Variants in TTC7A observed in about 807,000 individuals in gnomAD.
TTC7A encodes the protein tetratricopeptide repeat domain 7A, also known as tetratricopeptide repeat protein 7A.
Under a neutral mutation model 103.7 loss-of-function variants are expected in TTC7A, and 110 were observed. That is an observed-to-expected ratio of 1.06 (90% CI 0.91 to 1.24). The LOEUF is 1.24. Among genes scored for constraint, TTC7A ranks in the 50% most tolerant of loss-of-function variants. The probability of loss-of-function intolerance (pLI) is 0.00; values close to 1 mark genes in which losing one functional copy is unlikely to be tolerated. For synonymous variants in TTC7A, 521 were observed against 467.9 expected, an observed-to-expected ratio of 1.11 and a Z score of -1.47; for missense variants, 1,340 against 1,116.3, an observed-to-expected ratio of 1.20 and a Z score of -2.86.
intron 18 of TTC7A, among the ~76,000 whole-genome samples, chr2:47,057,022 T>C (rs1267987810): frequency 6.6e-6 from 1 of 152,192 alleles, no homozygotes; most frequent in Non-Finnish European, 1.5e-5. Context: ...CACTGGGTCC[T>C]GGCAGCCACG....
chr2:47,070,014 C>T (rs1684530601), intron 19 of TTC7A, among the ~76,000 whole-genome samples: 1 of 152,142 alleles, frequency 6.6e-6, no homozygotes, highest in Non-Finnish European at 1.5e-5. Flanking sequence ...AGGGAGGGCT[C>T]AGCCTGGCCC....
intron 2 of TTC7A, among the ~76,000 whole-genome samples, chr2:46,952,301 G>T (rs1027906570): frequency 1.1e-4 from 16 of 151,920 alleles, no homozygotes; most frequent in Non-Finnish European, 2.4e-4. Context: ...GACCAGATTG[G>T]TGGGGTTCAA....
At chr2:46,929,892 C>G (rs531973203) in intron 2 of TTC7A, among the ~76,000 whole-genome samples, 27 of 152,162 alleles carry the variant, frequency 1.8e-4, no homozygotes, top group Non-Finnish European at 4.0e-4. Context: ...ATATGGTTCA[C>G]CATATCATCT....
chr2:47,013,518 G>T (rs1272773123), intron 11 of TTC7A, among the ~76,000 whole-genome samples: 1 of 152,164 alleles, frequency 6.6e-6, no homozygotes, highest in Non-Finnish European at 1.5e-5. Flanking sequence ...CTCTGAGGGG[G>T]TGTAGCGGGG....
At chr2:47,023,638 G>C (rs1453373329) in intron 13 of TTC7A, among the ~76,000 whole-genome samples, 173 bp downstream of exon 13, 2 of 152,184 alleles carry the variant, frequency 1.3e-5, no homozygotes, top group Non-Finnish European at 2.9e-5. Flanking sequence ...TGGGCAGGCA[G>C]CCGAGCCCTG....
At chr2:47,071,807 C>T (rs1684750518) in intron 19 of TTC7A, among the ~76,000 whole-genome samples, 1 of 152,194 alleles carries the variant, frequency 6.6e-6, no homozygotes. Flanking sequence ...TTCTTGATAT[C>T]AGGGGTTTTC....
upstream of TTC7A, chr2:46,916,064 G>T (rs1668769923): frequency 3.0e-6 from 3 of 985,344 alleles, no homozygotes; most frequent in Non-Finnish European, 3.6e-6. Flanking sequence ...AGGCAACGCC[G>T]GAAGCCCTCA....
chr2:47,022,023 G>A (rs757653415), intron 12 of TTC7A, 44 bp downstream of exon 12: 24 of 1,474,468 alleles, frequency 1.6e-5, no homozygotes, highest in Non-Finnish European at 2.3e-5. Context: ...GGATGGCTCA[G>A]GCTTCCTAAC....
rs1685040652 is a variant in TTC7A, at chr2:47,074,275, C to T, written c.*352C>T. 3.0e-6 allele frequency: 1 copy of T among 338,314 alleles called. No homozygotes were observed. Among genetic ancestry groups the T allele is most frequent in the Non-Finnish European group, 5.6e-6 (1 of 178,514 alleles). 21.0% of individuals were successfully genotyped at this position (338,314 alleles called of 1,614,324 possible). On this transcript the variant is annotated 3_prime_UTR_variant, in exon 20 of 20. Coordinates refer to ENST00000319190, the MANE Select transcript of TTC7A (RefSeq NM_020458.4). ...CTGGGTGGGGGGTTCTCACTCCCCA[C>T]TCTCAGCACAGTACAGACTTCTGGA...
intron 2 of TTC7A, among the ~76,000 whole-genome samples, chr2:46,928,757 A>G (rs896594462): frequency 1.3e-5 from 2 of 151,002 alleles, no homozygotes; most frequent in Admixed American, 1.3e-4. Flanking sequence ...GTAATGTGAG[A>G]CTGTTTCAAA....
At chr2:47,049,652 C>T (rs1271390126) in intron 16 of TTC7A, among the ~76,000 whole-genome samples, 1 of 152,108 alleles carries the variant, frequency 6.6e-6, no homozygotes, top group Non-Finnish European at 1.5e-5. Context: ...ATGTTGCTCC[C>T]CCTGGCCTGG....
chr2:46,918,180 A>C (rs1668913523), intron 2 of TTC7A, among the ~76,000 whole-genome samples: 1 of 152,074 alleles, frequency 6.6e-6, no homozygotes, highest in Non-Finnish European at 1.5e-5. Context: ...TTTCACCCCC[A>C]AACCTGCACC....
intron 19 of TTC7A, among the ~76,000 whole-genome samples, chr2:47,072,927 C>T (rs1288694685): frequency 2.6e-5 from 4 of 152,218 alleles, no homozygotes; most frequent in African/African-American, 9.7e-5. Flanking sequence ...CTTCTTATGA[C>T]TATTCCTGTT....
At position 47,049,990 on chromosome 2, in the gene TTC7A, T is replaced by C. The variant is rs894913003; in HGVS notation, c.1961T>C (p.Met654Thr). 3.4e-5 allele frequency: 55 copies of C among 1,614,004 alleles called. No homozygotes were observed. Among genetic ancestry groups the C allele is most frequent in the Non-Finnish European group, 4.2e-5 (49 of 1,180,030 alleles). The stretch of plus-strand genomic sequence containing the variant: ...GGCAGCTTCGGTGAGGGCCTCACCA[T>C]GAAGAAGCAGAGTGGCATGCACCTG... ...KDGSFGEGLT[M>T]KKQSGMHLTL... The change falls in exon 17 of 20, where the codon ATG (methionine) becomes ACG (threonine). Residue 654 changes from methionine (M) to threonine (T), a missense_variant. Coordinates refer to ENST00000319190, the MANE Select transcript of TTC7A (RefSeq NM_020458.4).
chr2:46,924,220 AC>A, intron 2 of TTC7A, among the ~76,000 whole-genome samples: 1 of 147,720 alleles, frequency 6.8e-6, no homozygotes, highest in African/African-American at 2.5e-5. Flanking sequence ...AAAAAAAAAA[AC>A]CCAACTAAAG....
chr2:47,046,059 C>G (rs1682279303), intron 15 of TTC7A, among the ~76,000 whole-genome samples: 1 of 152,212 alleles, frequency 6.6e-6, no homozygotes, highest in African/African-American at 2.4e-5. Flanking sequence ...GGTCAGGGGA[C>G]ACGGGGCATC....
At chr2:46,940,555 G>A (rs758675683), upstream of TTC7A, among the ~76,000 whole-genome samples, 5 of 152,252 alleles carry the variant, frequency 3.3e-5, no homozygotes, top group African/African-American at 4.8e-5. The surrounding 1 kb of genome is among the most constrained non-coding windows in gnomAD (Gnocchi z 4.7). Flanking sequence ...TCTTAGACCA[G>A]CATGAAGAAA....
intron 15 of TTC7A, among the ~76,000 whole-genome samples, chr2:47,040,760 T>C (rs188300078): frequency 6.6e-6 from 1 of 152,314 alleles, no homozygotes; most frequent in African/African-American, 2.4e-5. Context: ...CAGTTCAGCC[T>C]GGTGGAAGTT....
intron 4 of TTC7A, among the ~76,000 whole-genome samples, chr2:46,977,935 A>C (rs950230118): frequency 6.6e-6 from 1 of 152,202 alleles, no homozygotes; most frequent in Non-Finnish European, 1.5e-5. Flanking sequence ...AATGCAAACA[A>C]AACCAGCCCT....
Sources: gnomAD v4.1 joint callset for allele counts (sites outside exome capture counted in the v4.1 genomes callset) on GRCh38, gnomAD v4.1.1 for gene constraint, Gnocchi (gnomAD v3.1) non-coding constraint, MANE v1.5 for transcripts, NCBI Gene and HGNC (gene_info 2026-07-23, HGNC 2026-07-21) for gene names.